Variants in ZNF516 observed in about 807,000 individuals in gnomAD.
The protein encoded by ZNF516 is zinc finger protein 516.
A neutral mutation model predicts 79.7 loss-of-function variants in ZNF516; 19 were observed. The observed-to-expected ratio is 0.24, with a 90% CI of 0.17 to 0.35. The LOEUF (loss-of-function observed/expected upper bound fraction) is 0.35. Ranked by LOEUF, ZNF516 falls within the 10% of genes least tolerant of loss-of-function variation. The pLI is 1.00. For missense variants in ZNF516, 1,678 were observed against 1,679.5 expected, an observed-to-expected ratio of 1.00 and a Z score of 0.02; for synonymous variants, 877 against 739.5, an observed-to-expected ratio of 1.19 and a Z score of -3.02.
chr18:76,404,270 A>T lies in ZNF516; in HGVS notation c.1811-23967T>A, dbSNP rs570606735. Among the ~76,000 whole-genome samples, 499 of 152,262 alleles carry T rather than the reference A, an allele frequency of 3.3e-3. 5 individuals are homozygous for T. Among genetic ancestry groups the T allele is most frequent in the Middle Eastern group, 0.017 (5 of 294 alleles). On this transcript the variant is annotated intron_variant, in intron 3 of 6. Coordinates refer to ENST00000443185, the MANE Select transcript of ZNF516 (RefSeq NM_014643.4). The stretch of plus-strand genomic sequence containing the variant: ...AAGGACCTCACATGCAGCTCCACAC[A>T]CGCCTGGGGGAGACGACGTGATCCC...
Position 76,379,855 on chromosome 18 carries a change from C to G in ZNF516, c.2259G>C (p.Leu753=). The change falls in exon 4 of 7, where the codon CTG becomes CTC. Residue 753 remains leucine, a synonymous_variant. Transcript: ENST00000443185. ...ACGGGTGAACGACTAAAGCCGCCTG[C>G]AGGGAGGAGGCCGTCTCCTTATTGC... The part of the protein sequence containing the change: ...DPSNKETASS[L]QAALVVHPCP... 6.2e-7 allele frequency: 1 copy of G among 1,613,908 alleles called. No individual in the cohort carries two copies. Among genetic ancestry groups the G allele is most frequent in the South Asian group, 1.1e-5 (1 of 91,072 alleles).
chr18:76,495,275 GGGACGCGCGA>G (rs1373286079), upstream of ZNF516: 5 of 145,364 alleles, frequency 3.4e-5, no homozygotes, highest in African/African-American at 9.9e-5. Context: ...CCGGGCGCGG[GGGACGCGCGA>G]GGGCGCGCGG....
intron 3 of ZNF516, among the ~76,000 whole-genome samples, chr18:76,415,468 G>C (rs1439081957): frequency 6.6e-6 from 1 of 152,148 alleles, no homozygotes; most frequent in Admixed American, 6.5e-5. Flanking sequence ...GCCTTAGACT[G>C]TAAGTAAGTG....
intron 1 of ZNF516, among the ~76,000 whole-genome samples, chr18:76,480,488 T>TACAC (rs139552059): frequency 7.2e-6 from 1 of 138,938 alleles, no homozygotes; most frequent in African/African-American, 3.0e-5. Flanking sequence ...CACACACATA[T>TACAC]ACACATACAC....
intron 3 of ZNF516, among the ~76,000 whole-genome samples, chr18:76,440,093 C>A (rs2075796098): frequency 1.3e-5 from 2 of 152,248 alleles, no homozygotes; most frequent in Admixed American, 6.5e-5. Context: ...TATGTATACA[C>A]TCATAACCTG....
At position 76,459,226 on chromosome 18, in the gene ZNF516, T is replaced by C. The variant is rs34627333; in HGVS notation, c.-158+3802A>G. Among the ~76,000 whole-genome samples the C allele has an allele frequency of 0.034, 5,167 of 152,240 alleles. 287 individuals carry two copies. Among genetic ancestry groups the C allele is most frequent in the African/African-American group, 0.12 (4,879 of 41,522 alleles). On this transcript the variant is annotated intron_variant, in intron 2 of 6. Coordinates refer to ENST00000443185, the MANE Select transcript of ZNF516 (RefSeq NM_014643.4). This position sits in a 1 kb window ranked among gnomAD's most constrained non-coding sequence, Gnocchi z 5.0. ...CCTCTCCTGTGCATAGGGCGCTCTCTCCCTGCCCCGAGCTTCGGCTTCTCC... is the reference window on the plus strand; with the variant it reads ...CCTCTCCTGTGCATAGGGCGCTCTCCCCCTGCCCCGAGCTTCGGCTTCTCC...
chr18:76,401,584 C>A (rs1329481284), intron 3 of ZNF516, among the ~76,000 whole-genome samples: 1 of 152,048 alleles, frequency 6.6e-6, no homozygotes, highest in Non-Finnish European at 1.5e-5. Context: ...ATCTCCGAAA[C>A]GCCCTGCAGC....
intron 1 of ZNF516, among the ~76,000 whole-genome samples, chr18:76,489,732 A>C (rs1171429330): frequency 1.3e-5 from 2 of 152,236 alleles, no homozygotes; most frequent in Admixed American, 6.5e-5. Context: ...GGGTGTCAAC[A>C]ATTCATAGCA....
At chr18:76,460,592 A>C (rs559240237) in intron 2 of ZNF516, among the ~76,000 whole-genome samples, 2,683 of 152,276 alleles carry the variant, frequency 0.018, 90 homozygotes, top group African/African-American at 0.062. Flanking sequence ...CAGTAAAAAA[A>C]CTGGGAGGAA....
At position 76,379,550 on chromosome 18, in the gene ZNF516, C is replaced by T; in HGVS notation, c.2564G>A (p.Gly855Glu). Residue 855 changes from glycine (G) to glutamate (E), a missense_variant, in exon 4 of 7, where the codon GGA (glycine) becomes GAA (glutamate). Physicochemically the swap from Gly to Glu is moderately conservative, Grantham distance 98. Around this residue, in one of 5 missense-constraint regions of ZNF516, gnomAD observed 1,294 missense variants for 1,248.3 expected, o/e 1.04. Coordinates refer to ENST00000443185, the MANE Select transcript of ZNF516 (RefSeq NM_014643.4). Reference protein sequence around the residue: ...PGSKSGSSPLGVVTKAASMPK... With the variant: ...PGSKSGSSPLEVVTKAASMPK... The stretch of plus-strand genomic sequence containing the variant: ...CATGCTAGCGGCTTTTGTGACCACT[C>T]CCAGGGGAGAAGAGCCACTTTTGGA... The T allele has an allele frequency of 6.2e-7, 1 of 1,613,712 alleles. No homozygotes were observed. The highest frequency in any genetic ancestry group is 8.5e-7 in the Non-Finnish European group (1 of 1,179,900).
intron 1 of ZNF516, among the ~76,000 whole-genome samples, chr18:76,464,906 G>A (rs961367761): frequency 9.2e-5 from 14 of 152,172 alleles, no homozygotes; most frequent in African/African-American, 3.4e-4. Context: ...GGGAATGGAT[G>A]CTAGAGCCCC....
Position 76,360,732 on chromosome 18 carries a change from G to A in ZNF516, c.*1766C>T, listed in dbSNP as rs1467815796. The A allele has an allele frequency of 5.2e-5, 7 of 134,866 alleles. No homozygotes were observed. The highest frequency in any genetic ancestry group is 7.7e-5 in the Admixed American group (1 of 12,940). The allele number at this position is 134,866 out of a possible 1,614,324, so 8.4% of individuals were successfully genotyped here. The stretch of plus-strand genomic sequence containing the variant: ...AAAGTGTTGCAAAGTAACCTGAACC[G>A]TCAAGTAATTTAAACTCAGTAACAA... On this transcript the variant is annotated 3_prime_UTR_variant, in exon 7 of 7. Coordinates refer to ENST00000443185, the MANE Select transcript of ZNF516 (RefSeq NM_014643.4).
chr18:76,379,974 G>C lies in ZNF516; in HGVS notation c.2140C>G (p.His714Asp). The C allele has an allele frequency of 6.2e-7, 1 of 1,613,996 alleles. No homozygotes were observed. Among genetic ancestry groups the C allele is most frequent in the East Asian group, 2.2e-5 (1 of 44,864 alleles). The stretch of plus-strand genomic sequence containing the variant: ...CCTCCCCCAGAGTGTTCCTTGTTGT[G>C]CAAATCGGACAGCTTTTCTGCAGGG... ...GHPAEKLSDL[H>D]NKEHSGGGKR... Residue 714 changes from histidine (H) to aspartate (D), a missense_variant, in exon 4 of 7, where the codon CAC (histidine) becomes GAC (aspartate). Around this residue, in one of 5 missense-constraint regions of ZNF516, gnomAD observed 1,294 missense variants for 1,248.3 expected, o/e 1.04. Transcript: ENST00000443185.
chr18:76,445,346 T>C (rs1438278414), intron 2 of ZNF516, among the ~76,000 whole-genome samples: 1 of 152,162 alleles, frequency 6.6e-6, no homozygotes, highest in East Asian at 1.9e-4. Flanking sequence ...AATGACCTTT[T>C]ACTCCAAGCT....
At chr18:76,474,468 A>C (rs909498273) in intron 1 of ZNF516, among the ~76,000 whole-genome samples, 3 of 152,220 alleles carry the variant, frequency 2.0e-5, no homozygotes, top group Non-Finnish European at 4.4e-5. Context: ...GGAAAATTCT[A>C]AACTCTCTGT....
intron 2 of ZNF516, among the ~76,000 whole-genome samples, chr18:76,460,046 A>T (rs1043166714): frequency 6.6e-6 from 1 of 152,252 alleles, no homozygotes; most frequent in African/African-American, 2.4e-5. Context: ...AATGCCCAGA[A>T]AACACCGCAC....
chr18:76,426,706 C>T (rs1290056868), intron 3 of ZNF516, among the ~76,000 whole-genome samples: 1 of 152,112 alleles, frequency 6.6e-6, no homozygotes, highest in African/African-American at 2.4e-5. Flanking sequence ...TCAACACATA[C>T]GCATGGATAA....
chr18:76,410,987 C>T (rs1276062336), intron 3 of ZNF516, among the ~76,000 whole-genome samples: 1 of 152,212 alleles, frequency 6.6e-6, no homozygotes, highest in South Asian at 2.1e-4. Flanking sequence ...GCAGATAAAA[C>T]TTTCAGATTA....
intron 3 of ZNF516, among the ~76,000 whole-genome samples, chr18:76,395,828 G>A (rs1303461766): frequency 6.6e-6 from 1 of 152,182 alleles, no homozygotes; most frequent in Non-Finnish European, 1.5e-5. Flanking sequence ...AGCCGGCCGT[G>A]AGGGTGGGCC....
Sources: allele counts gnomAD v4.1 joint callset (sites outside exome capture counted in the v4.1 genomes callset), GRCh38; gene constraint gnomAD v4.1.1; regional missense constraint gnomAD v4.1.1; non-coding constraint Gnocchi (gnomAD v3.1); transcripts MANE v1.5; gene names NCBI Gene and HGNC (gene_info 2026-07-23, HGNC 2026-07-21).